The following SCGB1A1 variants were observed in gnomAD, a reference collection of about 807,000 sequenced individuals.
SCGB1A1 encodes the protein uteroglobin.
In SCGB1A1, 8 loss-of-function variants were observed where a neutral mutation model predicts 7.5. The observed-to-expected ratio is 1.07, with a 90% CI of 0.63 to 1.92. The LOEUF (loss-of-function observed/expected upper bound fraction) is 1.92. Among genes scored for constraint, SCGB1A1 ranks in the 30% most tolerant of loss-of-function variants. The pLI is 0.00. For synonymous variants in SCGB1A1, 44 were observed against 40.8 expected, an observed-to-expected ratio of 1.08 and a Z score of -0.30; for missense variants, 121 against 112.7, an observed-to-expected ratio of 1.07 and a Z score of -0.33.
At chr11:62,419,489 T>C (rs1016589144) in intron 1 of SCGB1A1, among the ~76,000 whole-genome samples, 1 of 152,194 alleles carries the variant, frequency 6.6e-6, no homozygotes, top group East Asian at 1.9e-4. Context: ...ATCCCAGATC[T>C]GGACAGACTC....
At chr11:62,423,033 T>C in intron 2 of SCGB1A1, 26 bp from the exon 3 acceptor site, 1 of 1,611,202 alleles carries the variant, frequency 6.2e-7, no homozygotes, top group Non-Finnish European at 8.5e-7. Flanking sequence ...ATTGGGTTTT[T>C]CTGTTTCTTT....
intron 1 of SCGB1A1, among the ~76,000 whole-genome samples, chr11:62,420,898 G>A (rs1224232541): frequency 6.6e-6 from 1 of 151,382 alleles, no homozygotes; most frequent in East Asian, 2.0e-4. Flanking sequence ...TGGCATCACT[G>A]CACTCCAGCC....
Position 62,422,337 on chromosome 11 carries a change from G to A in SCGB1A1, c.172G>A (p.Ala58Thr). 2 of 1,614,122 alleles carry A rather than the reference G, an allele frequency of 1.2e-6. No homozygotes were observed. The highest frequency in any genetic ancestry group is 8.5e-7 in the Non-Finnish European group (1 of 1,180,006). The change falls in exon 2 of 3, where the codon GCA (alanine) becomes ACA (threonine). Residue 58 changes from alanine to threonine, a missense_variant. By Grantham distance (58) the Ala-to-Thr change is moderately conservative (BLOSUM62 0). Transcript: ENST00000278282. ...LFSPDQDMRE[A>T]GAQLKKLVDT... Reference sequence around the variant, plus strand: ...CAGCCCTGATCAAGACATGAGGGAGGCAGGGGCTCAGCTGAAGAAGCTGGT... The same window carrying A: ...CAGCCCTGATCAAGACATGAGGGAGACAGGGGCTCAGCTGAAGAAGCTGGT...
At chr11:62,420,812 G>A (rs1937769726) in intron 1 of SCGB1A1, among the ~76,000 whole-genome samples, 1 of 151,574 alleles carries the variant, frequency 6.6e-6, no homozygotes, top group African/African-American at 2.4e-5. Context: ...GCGCATGCCT[G>A]TAGTCCCAGC....
At position 62,422,459 on chromosome 11, in the gene SCGB1A1, G is replaced by A; in HGVS notation, c.243+51G>A. On this transcript the variant is annotated intron_variant, in intron 2 of 2. Transcript: ENST00000278282. ...TGGTTAGAAGTGGCTTCCCCAAGTG[G>A]GGCTGCAGGATTGCCCCAGTTTTCA... The A allele has an allele frequency of 3.3e-6, 5 of 1,513,384 alleles. 1 individual carries two copies. Among genetic ancestry groups the A allele is most frequent in the Non-Finnish European group, 3.6e-6 (4 of 1,110,866 alleles). 93.7% of individuals were successfully genotyped at this position (1,513,384 alleles called of 1,614,324 possible).
intron 1 of SCGB1A1, among the ~76,000 whole-genome samples, chr11:62,419,672 T>C (rs1333383883): frequency 6.6e-6 from 1 of 152,170 alleles, no homozygotes; most frequent in Non-Finnish European, 1.5e-5. Flanking sequence ...GAGCTTCCCT[T>C]TGGGGAACTG....
In SCGB1A1 at chr11:62,423,060, A is replaced by G. The variant is rs1281813784; in HGVS notation, c.245A>G (p.Glu82Gly). Reference sequence around the variant, plus strand: ...TGTTTCTTTGTCTATTTGTTTTAGGAAAAAATAGCCCAAAGCTCACTGTGT... The same window carrying G: ...TGTTTCTTTGTCTATTTGTTTTAGGGAAAAATAGCCCAAAGCTCACTGTGT... ...KPRESIIKLM[E>G]KIAQSSLCN Residue 82 changes from glutamate to glycine, a missense_variant and splice_region_variant, in exon 3 of 3, where the codon GAA (glutamate) becomes GGA (glycine). Glu to Gly is a moderately conservative substitution (Grantham distance 98). Coordinates refer to ENST00000278282, the MANE Select transcript of SCGB1A1 (RefSeq NM_003357.5). 3 of 1,613,422 alleles carry G rather than the reference A, an allele frequency of 1.9e-6. No homozygotes were observed. Among genetic ancestry groups the G allele is most frequent in the South Asian group, 2.2e-5 (2 of 91,066 alleles).
In SCGB1A1 at chr11:62,423,166, T is replaced by C; in HGVS notation, c.*75T>C. The C allele has an allele frequency of 1.4e-6, 2 of 1,477,286 alleles. No individual in the cohort carries two copies. The highest frequency in any genetic ancestry group is 1.4e-5 in the African/African-American group (1 of 72,158). 91.5% of individuals were successfully genotyped at this position (1,477,286 alleles called of 1,614,324 possible). On this transcript the variant is annotated 3_prime_UTR_variant, in exon 3 of 3. Coordinates refer to ENST00000278282, the MANE Select transcript of SCGB1A1 (RefSeq NM_003357.5). ...GCTTTGAGTCCACGCCCACCAGCCT[T>C]GCTCTCTTCAATAAACCACAAGCAT...
At chr11:62,422,565 C>T (rs1937826138) in intron 2 of SCGB1A1, among the ~76,000 whole-genome samples, 157 bp downstream of exon 2, 1 of 146,050 alleles carries the variant, frequency 6.8e-6, no homozygotes, top group South Asian at 2.1e-4. Context: ...TAGACATCTC[C>T]TCTTCCTTTT....
intron 1 of SCGB1A1, among the ~76,000 whole-genome samples, chr11:62,419,781 G>C (rs1363614697): frequency 1.3e-5 from 2 of 152,122 alleles, no homozygotes; most frequent in Non-Finnish European, 2.9e-5. Context: ...AAAGAACTGT[G>C]GGGGGAAGAG....
intron 2 of SCGB1A1, 126 bp downstream of exon 2, chr11:62,422,534 C>T: frequency 1.5e-6 from 1 of 664,478 alleles, no homozygotes; most frequent in East Asian, 2.8e-5. Flanking sequence ...TGTCCCCAGG[C>T]AGGCAGCACA....
chr11:62,421,985 T>G (rs1216458375), intron 1 of SCGB1A1: 1 of 346,738 alleles, frequency 2.9e-6, no homozygotes, highest in African/African-American at 2.1e-5. Context: ...GCTTCTATGA[T>G]CAATACTCTG....
In SCGB1A1 at chr11:62,419,154, A is replaced by G; in HGVS notation, c.55+4A>G. The G allele has an allele frequency of 6.4e-7, 1 of 1,551,978 alleles. No homozygotes were observed. Among genetic ancestry groups the G allele is most frequent in the Non-Finnish European group, 8.7e-7 (1 of 1,143,678 alleles). On this transcript the variant is annotated splice_donor_region_variant and intron_variant, in intron 1 of 2. Transcript: ENST00000278282. ...CTGGCTCTCTGCTGCAGCTCCGGTG[A>G]GTGCTCAGAGACCCTTCCCTCCCTC... is the stretch of plus-strand genomic sequence containing the variant.
intron 1 of SCGB1A1, among the ~76,000 whole-genome samples, chr11:62,419,715 G>A (rs953599041): frequency 6.6e-5 from 10 of 152,116 alleles, no homozygotes; most frequent in East Asian, 1.9e-4. Context: ...AAACATTTCC[G>A]TCCTCTGCAA....
rs1290408675 is a variant in SCGB1A1, at chr11:62,422,388, G to A, written c.223G>A (p.Glu75Lys). Residue 75 changes from glutamate to lysine, a missense_variant, in exon 2 of 3, where the codon GAA becomes AAA. Physicochemically the swap from Glu to Lys is moderately conservative, Grantham distance 56. Coordinates refer to ENST00000278282, the MANE Select transcript of SCGB1A1 (RefSeq NM_003357.5). ...GGACACCCTCCCCCAAAAGCCCAGA[G>A]AAAGCATCATTAAGCTCATGGTAAC... is the stretch of plus-strand genomic sequence containing the variant. ...LVDTLPQKPRESIIKLMEKIA... is the reference protein window; with the variant it reads ...LVDTLPQKPRKSIIKLMEKIA... 1 of 1,613,444 alleles carries A rather than the reference G, an allele frequency of 6.2e-7. No homozygotes were observed. Among genetic ancestry groups the A allele is most frequent in the African/African-American group, 1.3e-5 (1 of 74,916 alleles).
rs768205561 is a variant in SCGB1A1, at chr11:62,422,379, A to C, written c.214A>C (p.Lys72Gln). ...GAAGCTGGTGGACACCCTCCCCCAA[A>C]AGCCCAGAGAAAGCATCATTAAGCT... Reference protein sequence around the residue: ...LKKLVDTLPQKPRESIIKLME... With the variant: ...LKKLVDTLPQQPRESIIKLME... Residue 72 changes from lysine (K) to glutamine (Q), a missense_variant, in exon 2 of 3, where the codon AAG becomes CAG. Coordinates refer to ENST00000278282, the MANE Select transcript of SCGB1A1 (RefSeq NM_003357.5). 6.2e-7 allele frequency: 1 copy of C among 1,613,606 alleles called. No homozygotes were observed. Among genetic ancestry groups the C allele is most frequent in the South Asian group, 1.1e-5 (1 of 91,004 alleles).
At chr11:62,420,769 T>C (rs1937768609) in intron 1 of SCGB1A1, among the ~76,000 whole-genome samples, 1 of 150,928 alleles carries the variant, frequency 6.6e-6, no homozygotes, top group Non-Finnish European at 1.5e-5. Flanking sequence ...ACCTTGTCTC[T>C]ATTAAAAATA....
rs763990264 is a variant in SCGB1A1 at position 62,422,282 on chromosome 11, C to T, written c.117C>T (p.Pro39=). ...TCGAAACCCTCCTCATGGACACACC[C>T]TCCAGTTATGAGGCTGCCATGGAAC... ...RVIETLLMDT[P]SSYEAAMELF... is the part of the protein sequence containing the mutation. Residue 39 remains proline, a synonymous_variant, in exon 2 of 3, where the codon CCC becomes CCT. Coordinates refer to ENST00000278282, the MANE Select transcript of SCGB1A1 (RefSeq NM_003357.5). 1 of 1,614,126 alleles carries T rather than the reference C, an allele frequency of 6.2e-7. No individual in the cohort carries two copies. Among genetic ancestry groups the T allele is most frequent in the Non-Finnish European group, 8.5e-7 (1 of 1,179,988 alleles).
chr11:62,422,169 C>A, intron 1 of SCGB1A1, 52 bp from the exon 2 acceptor site: 2 of 1,519,030 alleles, frequency 1.3e-6, no homozygotes, highest in Admixed American at 1.9e-5. Context: ...AGAGGGCTAG[C>A]CAGCTTGGAA....
Sources: gnomAD v4.1 joint callset for allele counts (sites outside exome capture counted in the v4.1 genomes callset) on GRCh38, gnomAD v4.1.1 for gene constraint, MANE v1.5 for transcripts, NCBI Gene and HGNC (gene_info 2026-07-23, HGNC 2026-07-21) for gene names.